LPAR1: variants seen among roughly 807,000 people sequenced by gnomAD.
The protein encoded by LPAR1 is LPA receptor 1.
LPAR1 carries 5 observed loss-of-function variants against 23.8 expected under a neutral mutation model. That is an observed-to-expected ratio of 0.21 (90% CI 0.11 to 0.44). LPAR1 has a LOEUF of 0.44. Ranked by LOEUF, LPAR1 falls within the 20% of genes least tolerant of loss-of-function variation. LPAR1 has a pLI of 0.99. For missense variants in LPAR1, 311 were observed against 482.8 expected (o/e 0.64, Z 3.33); for synonymous variants, 160 against 164.7 (o/e 0.97, Z 0.22).
rs142372720 is a variant in LPAR1 at position 111,022,745 on chromosome 9, C to A, written c.-182+13377G>T. ...ACTTTGTACAGCTCCTCATACAGAG[C>A]AAGCCTTCAAAAAACCCTGCTATTG... On this transcript the variant is annotated intron_variant, in intron 2 of 5. Transcript: ENST00000683809. 1.9e-3 allele frequency among the ~76,000 whole-genome samples: 292 copies of A among 152,224 alleles called. 8 individuals are homozygous for A. The East Asian group carries it at 0.054, about 28-fold the overall frequency.
intron 4 of LPAR1, among the ~76,000 whole-genome samples, chr9:110,965,230 T>C (rs909987958): frequency 6.6e-6 from 1 of 152,112 alleles, no homozygotes; most frequent in African/African-American, 2.4e-5. Context: ...ACTAAGATAT[T>C]GAAAATCTAC....
chr9:110,911,112 A>G (rs1218374192), intron 5 of LPAR1, among the ~76,000 whole-genome samples: 1 of 152,206 alleles, frequency 6.6e-6, no homozygotes, highest in Non-Finnish European at 1.5e-5. Flanking sequence ...ATCTTTTGTG[A>G]AAGGAAGAAT....
chr9:110,971,161 T>A (rs1588616919), intron 4 of LPAR1, among the ~76,000 whole-genome samples: 1 of 151,868 alleles, frequency 6.6e-6, no homozygotes, highest in East Asian at 1.9e-4. Flanking sequence ...AAAAATAAAG[T>A]TGGCCAAAAA....
chr9:110,936,224 C>T (rs1245078376), intron 5 of LPAR1, among the ~76,000 whole-genome samples: 1 of 152,224 alleles, frequency 6.6e-6, no homozygotes, highest in African/African-American at 2.4e-5. Flanking sequence ...TCCCTTAGCA[C>T]ACAATTGGCA....
intron 5 of LPAR1, among the ~76,000 whole-genome samples, chr9:110,926,062 A>G (rs1180974441): frequency 1.3e-5 from 2 of 152,166 alleles, no homozygotes; most frequent in South Asian, 2.1e-4. Flanking sequence ...CTTGGACTAC[A>G]GGCGCCTGCC....
intron 5 of LPAR1, among the ~76,000 whole-genome samples, chr9:110,890,490 C>G (rs577650521): frequency 4.5e-4 from 69 of 152,220 alleles, no homozygotes; most frequent in Admixed American, 8.5e-4. Flanking sequence ...ATCTCCCCCC[C>G]ACAAAACTAC....
chr9:110,928,271 C>T (rs925913557), intron 5 of LPAR1, among the ~76,000 whole-genome samples: 2 of 152,054 alleles, frequency 1.3e-5, no homozygotes, highest in African/African-American at 2.4e-5. Flanking sequence ...CAAATGCTTT[C>T]GGACAGATTT....
intron 2 of LPAR1, among the ~76,000 whole-genome samples, chr9:111,001,612 C>A (rs1199770926): frequency 6.6e-6 from 1 of 152,192 alleles, no homozygotes; most frequent in Non-Finnish European, 1.5e-5. Context: ...AAGGCCTGAA[C>A]ATAATTTGAC....
chr9:110,923,377 C>T (rs1453628294), intron 5 of LPAR1, among the ~76,000 whole-genome samples: 1 of 152,104 alleles, frequency 6.6e-6, no homozygotes, highest in African/African-American at 2.4e-5. Flanking sequence ...AGAAACTGTA[C>T]TTTGGGTACC....
chr9:111,014,137 C>T (rs10980692), intron 2 of LPAR1, among the ~76,000 whole-genome samples: 3,120 of 152,192 alleles, frequency 0.021, 59 homozygotes, highest in Non-Finnish European at 0.029. Flanking sequence ...CAGCCTGATA[C>T]CTCCCATGCT....
chr9:110,907,431 A>C (rs1474712537), intron 5 of LPAR1, among the ~76,000 whole-genome samples: 1 of 152,188 alleles, frequency 6.6e-6, no homozygotes, highest in Non-Finnish European at 1.5e-5. Context: ...TATAAGAATA[A>C]AGACACACAA....
At chr9:110,981,404 G>A (rs562557073) in intron 2 of LPAR1, among the ~76,000 whole-genome samples, 71 of 152,102 alleles carry the variant, frequency 4.7e-4, no homozygotes, top group African/African-American at 1.6e-3. Flanking sequence ...TAGTAAGGCT[G>A]CCACATATGA....
At chr9:110,938,474 C>T in intron 5 of LPAR1, among the ~76,000 whole-genome samples, 1 of 152,136 alleles carries the variant, frequency 6.6e-6, no homozygotes, top group Non-Finnish European at 1.5e-5. Flanking sequence ...ATGGCAATGA[C>T]TTGGAAGTTA....
intron 5 of LPAR1, among the ~76,000 whole-genome samples, chr9:110,909,724 ATAAAG>A (rs1190833227): frequency 8.0e-6 from 1 of 124,320 alleles, no homozygotes; most frequent in East Asian, 2.4e-4. Flanking sequence ...CATTTATTAA[ATAAAG>A]TATTTATTTA....
chr9:110,878,916 C>T (rs1337572681), intron 5 of LPAR1, among the ~76,000 whole-genome samples: 1 of 152,066 alleles, frequency 6.6e-6, no homozygotes. Flanking sequence ...AAGAAGATAA[C>T]AAGAGGGAAT....
chr9:111,012,998 T>C (rs2097363728), intron 2 of LPAR1, among the ~76,000 whole-genome samples: 1 of 147,570 alleles, frequency 6.8e-6, no homozygotes, highest in Non-Finnish European at 1.5e-5. Flanking sequence ...CTTTACGTGA[T>C]TTAGAAAATG....
Position 110,939,053 on chromosome 9 carries a change from T to C in LPAR1, c.793+2368A>G, listed in dbSNP as rs553331118. The stretch of plus-strand genomic sequence containing the variant: ...GTTGGTTCACTCTTGAATTCTTTCC[T>C]GGGCAGAGCCAAGAACTCCCCCAGG... On this transcript the variant is annotated intron_variant, in intron 5 of 5. Coordinates refer to ENST00000683809, the MANE Select transcript of LPAR1 (RefSeq NM_001351411.2). Among the ~76,000 whole-genome samples, 25 of 152,314 alleles carry C rather than the reference T, an allele frequency of 1.6e-4. No individual in the cohort carries two copies. The South Asian group carries it at 5.0e-3, about 30-fold the overall frequency.
chr9:110,882,289 C>T (rs900133444), intron 5 of LPAR1, among the ~76,000 whole-genome samples: 10 of 152,178 alleles, frequency 6.6e-5, no homozygotes, highest in African/African-American at 2.4e-4. Context: ...GTCTGTATCT[C>T]TGGAATCTAG....
chr9:111,036,337 T>C (rs1313364386), intron 1 of LPAR1, 136 bp from the exon 2 acceptor site: 3 of 149,228 alleles, frequency 2.0e-5, no homozygotes, highest in Admixed American at 6.7e-5. Context: ...AAGAGATTGA[T>C]CTGAGGTGGG....
Sources: gnomAD v4.1 joint callset for allele counts (sites outside exome capture counted in the v4.1 genomes callset) on GRCh38, gnomAD v4.1.1 for gene constraint, MANE v1.5 for transcripts, NCBI Gene and HGNC (gene_info 2026-07-23, HGNC 2026-07-21) for gene names.